ZNF407: variants seen among roughly 807,000 people sequenced by gnomAD.
ZNF407 encodes zinc finger protein 407.
A neutral mutation model predicts 131.2 loss-of-function variants in ZNF407; 17 were observed. That is an observed-to-expected ratio of 0.13 (90% CI 0.09 to 0.19). The LOEUF (loss-of-function observed/expected upper bound fraction) is 0.19. Among genes scored for constraint, ZNF407 ranks in the 10% least tolerant of loss-of-function variants. The probability of loss-of-function intolerance (pLI) is 1.00; values close to 1 mark genes in which losing one functional copy is unlikely to be tolerated. For missense variants in ZNF407, 2,681 were observed against 2,830.6 expected (o/e 0.95, Z 1.20); for synonymous variants, 1,156 against 1,062.0 (o/e 1.09, Z -1.72).
intron 8 of ZNF407, among the ~76,000 whole-genome samples, chr18:75,013,429 T>C (rs1397164955): frequency 6.6e-6 from 1 of 152,122 alleles, no homozygotes; most frequent in Non-Finnish European, 1.5e-5. Context: ...GGGGCACACC[T>C]CTTTCTTTCT....
At chr18:74,641,260 A>T in intron 3 of ZNF407, 138 bp downstream of exon 3, 1 of 625,960 alleles carries the variant, frequency 1.6e-6, no homozygotes, top group Non-Finnish European at 2.9e-6. Context: ...TGTTATGGTA[A>T]ATTCCTTAAA....
At chr18:74,619,211 T>C (rs932741944) in intron 1 of ZNF407, among the ~76,000 whole-genome samples, 2 of 152,186 alleles carry the variant, frequency 1.3e-5, no homozygotes, top group African/African-American at 4.8e-5. Context: ...TGGAAAGATA[T>C]TTTCTCATTG....
chr18:74,899,322 G>A (rs1480394411), intron 7 of ZNF407, among the ~76,000 whole-genome samples: 3 of 152,186 alleles, frequency 2.0e-5, no homozygotes, highest in African/African-American at 7.2e-5. Context: ...TGATGGAAGG[G>A]CAGAGAGTGG....
intron 3 of ZNF407, among the ~76,000 whole-genome samples, chr18:74,686,875 G>A (rs1374601364): frequency 6.6e-6 from 1 of 152,150 alleles, no homozygotes; most frequent in Admixed American, 6.5e-5. Context: ...TATATACACT[G>A]TATTATGTGT....
chr18:74,894,902 T>C (rs1436149961), intron 7 of ZNF407, among the ~76,000 whole-genome samples: 1 of 152,300 alleles, frequency 6.6e-6, no homozygotes, highest in East Asian at 1.9e-4. Context: ...GCCAGAGTTT[T>C]CCTTAACTGT....
chr18:74,621,078 AT>A (rs1983489795), intron 1 of ZNF407, among the ~76,000 whole-genome samples: 1 of 144,034 alleles, frequency 6.9e-6, no homozygotes, highest in African/African-American at 2.5e-5. Flanking sequence ...ATAAATCTAA[AT>A]TTAAAACTCG....
intron 4 of ZNF407, among the ~76,000 whole-genome samples, chr18:74,861,327 C>G (rs1970934342): frequency 6.6e-6 from 1 of 152,222 alleles, no homozygotes. Context: ...GTGTGTAAAT[C>G]TGTCCATGCA....
chr18:75,054,761 C>CT (rs1973542005), intron 8 of ZNF407, among the ~76,000 whole-genome samples: 1 of 152,214 alleles, frequency 6.6e-6, no homozygotes, highest in African/African-American at 2.4e-5. Flanking sequence ...TTTGTTACGT[C>CT]TTTAAGTCAA....
chr18:74,995,835 G>A (rs1044708146), intron 8 of ZNF407, among the ~76,000 whole-genome samples: 36 of 152,148 alleles, frequency 2.4e-4, no homozygotes, highest in African/African-American at 8.2e-4. Flanking sequence ...TTAGATCAGG[G>A]AAATCTATAT....
chr18:74,607,385 G>A (rs888438686), intron 1 of ZNF407, among the ~76,000 whole-genome samples: 1 of 151,922 alleles, frequency 6.6e-6, no homozygotes, highest in African/African-American at 2.4e-5. Context: ...ACCTTCCCAG[G>A]TTTATACCAG....
chr18:74,881,091 C>T lies in ZNF407; in HGVS notation c.5100C>T (p.Ala1700=). Reference sequence around the variant, plus strand: ...GCTTTGCCGGCGGGACCCGCCACGCCCTCACCAAGCATCGCAGACAGCACA... The same window carrying T: ...GCTTTGCCGGCGGGACCCGCCACGCTCTCACCAAGCATCGCAGACAGCACA... ...LCGFAGGTRH[A]LTKHRRQHTG... The change falls in exon 6 of 9, where the codon GCC becomes GCT. Residue 1700 remains alanine, a synonymous_variant. Transcript: ENST00000299687. 1.3e-6 allele frequency: 2 copies of T among 1,581,314 alleles called. No homozygotes were observed. The highest frequency in any genetic ancestry group is 1.2e-5 in the South Asian group (1 of 86,954).
intron 4 of ZNF407, among the ~76,000 whole-genome samples, chr18:74,875,271 T>C (rs1971140400): frequency 6.6e-6 from 1 of 152,170 alleles, no homozygotes; most frequent in African/African-American, 2.4e-5. Flanking sequence ...GAAAGTCAAG[T>C]GGTGGTCTTA....
chr18:75,029,310 TTGTGAG>T (rs1973209597), intron 8 of ZNF407, among the ~76,000 whole-genome samples: 1 of 152,224 alleles, frequency 6.6e-6, no homozygotes, highest in African/African-American at 2.4e-5. Context: ...GTGCTATTTC[TTGTGAG>T]TGTTTTATAT....
chr18:74,712,783 G>C (rs1263034272), intron 3 of ZNF407, among the ~76,000 whole-genome samples: 2 of 152,204 alleles, frequency 1.3e-5, no homozygotes, highest in East Asian at 3.9e-4. Context: ...AGGTTTTGCT[G>C]TCAGTTGGCT....
At chr18:74,837,626 T>C (rs1568236147) in intron 4 of ZNF407, among the ~76,000 whole-genome samples, 1 of 152,060 alleles carries the variant, frequency 6.6e-6, no homozygotes, top group Non-Finnish European at 1.5e-5. Context: ...TTTTTTTTCT[T>C]TTATGGAGTT....
At chr18:75,042,566 G>A (rs1236310382) in intron 8 of ZNF407, among the ~76,000 whole-genome samples, 1 of 152,142 alleles carries the variant, frequency 6.6e-6, no homozygotes, top group East Asian at 1.9e-4. Flanking sequence ...GTGCTTATAT[G>A]GAGTGCATTT....
At chr18:74,855,826 CACCT>C (rs1389653208) in intron 4 of ZNF407, among the ~76,000 whole-genome samples, 2 of 152,196 alleles carry the variant, frequency 1.3e-5, no homozygotes, top group Non-Finnish European at 2.9e-5. Context: ...AGGGTGGAAA[CACCT>C]AACAACAGGA....
intron 4 of ZNF407, among the ~76,000 whole-genome samples, chr18:74,812,468 C>A (rs1970210743): frequency 6.6e-6 from 1 of 152,154 alleles, no homozygotes; most frequent in East Asian, 1.9e-4. Flanking sequence ...CCTATAATTC[C>A]TTTGAAGGTA....
At chr18:74,616,529 C>T (rs1366139285) in intron 1 of ZNF407, among the ~76,000 whole-genome samples, 1 of 151,678 alleles carries the variant, frequency 6.6e-6, no homozygotes, top group African/African-American at 2.4e-5. Flanking sequence ...AAAACCAGCC[C>T]ACTCCCTCCA....
Sources: gnomAD v4.1 joint callset for allele counts (sites outside exome capture counted in the v4.1 genomes callset) on GRCh38, gnomAD v4.1.1 for gene constraint, MANE v1.5 for transcripts, NCBI Gene and HGNC (gene_info 2026-07-23, HGNC 2026-07-21) for gene names.